Variants in NAE1 observed in about 807,000 individuals in gnomAD.
NAE1 encodes the protein NEDD8-activating enzyme E1 regulatory subunit.
In NAE1, 59 loss-of-function variants were observed where a neutral mutation model predicts 88.0. The ratio of observed to expected loss-of-function variants is 0.67; its 90% CI spans 0.54 to 0.83. The LOEUF is 0.83. NAE1 is among the 40% of genes least tolerant of loss of function. The pLI is 0.00. For missense variants in NAE1, 554 were observed against 632.8 expected (o/e 0.88, Z 1.34); for synonymous variants, 186 against 208.9 (o/e 0.89, Z 0.95).
At chr16:66,806,219 A>G in intron 17 of NAE1, 193 bp from the exon 18 acceptor site, 1 of 545,686 alleles carries the variant, frequency 1.8e-6, no homozygotes, top group Non-Finnish European at 2.9e-6. Flanking sequence ...CCTAGTAAAA[A>G]TTTGAATTTA....
chr16:66,830,805 A>G, intron 1 of NAE1, 42 bp downstream of exon 1: 2 of 1,504,224 alleles, frequency 1.3e-6, no homozygotes, highest in Non-Finnish European at 1.8e-6. Context: ...GAATGCTGGA[A>G]AGCCCGCCGG....
rs985958195 is a variant in NAE1 at position 66,830,861 on chromosome 16, G to C, written c.39C>G (p.Tyr13Ter). ...QLGKLLKEQK[Y>*]DRQLRLWGDH... is the part of the protein sequence containing the mutation. Reference sequence around the variant, plus strand: ...CCTCGGCTCACCTCAGCTGCCGGTCGTACTTCTGCTCCTTGAGCAGCTTTC... The same window carrying C: ...CCTCGGCTCACCTCAGCTGCCGGTCCTACTTCTGCTCCTTGAGCAGCTTTC... Residue 13 changes from tyrosine to a stop codon, truncating the protein, a stop_gained, in exon 1 of 20, where the codon TAC (tyrosine) becomes TAG (stop). Transcript: ENST00000290810. LOFTEE classifies it high-confidence loss of function. 5 of 1,529,882 alleles carry C rather than the reference G, an allele frequency of 3.3e-6. No homozygotes were observed. The Admixed American group carries it at 7.8e-5, about 24-fold the overall frequency. The allele number at this position is 1,529,882 out of a possible 1,614,324, so 94.8% of individuals were successfully genotyped here. A position where few individuals can be genotyped will look rare whatever the true frequency, so the allele number is the denominator to read the frequency against.
At position 66,830,837 on chromosome 16, in the gene NAE1, C is replaced by T. The variant is rs766996258; in HGVS notation, c.53+10G>A. 1.7e-5 allele frequency: 26 copies of T among 1,513,054 alleles called. No homozygotes were observed. The highest frequency in any genetic ancestry group is 2.2e-5 in the Non-Finnish European group (25 of 1,138,218). The allele number at this position is 1,513,054 out of a possible 1,614,324, so 93.7% of individuals were successfully genotyped here. A position where few individuals can be genotyped will look rare whatever the true frequency, so the allele number is the denominator to read the frequency against. On this transcript the variant is annotated intron_variant, in intron 1 of 19. Coordinates refer to ENST00000290810, the MANE Select transcript of NAE1 (RefSeq NM_003905.4). ...CCGGCCCGCCCTCGGCTCGGTGAGCCTCGGCTCACCTCAGCTGCCGGTCGT... is the reference window on the plus strand; with the variant it reads ...CCGGCCCGCCCTCGGCTCGGTGAGCTTCGGCTCACCTCAGCTGCCGGTCGT...
chr16:66,818,338 TA>T (rs912817977), intron 8 of NAE1, among the ~76,000 whole-genome samples, 189 bp downstream of exon 8: 3 of 152,188 alleles, frequency 2.0e-5, no homozygotes, highest in African/African-American at 7.2e-5. Context: ...TTTTCTTCAG[TA>T]AAAAAGTTTT....
intron 13 of NAE1, 158 bp downstream of exon 13, chr16:66,813,406 G>A (rs745978255): frequency 1.2e-6 from 1 of 866,028 alleles, no homozygotes; most frequent in Non-Finnish European, 1.7e-6. Context: ...CTCCCAAAGT[G>A]TTGGGATTAC....
chr16:66,810,857 T>G, intron 13 of NAE1, 85 bp from the exon 14 acceptor site: 1 of 1,243,510 alleles, frequency 8.0e-7, no homozygotes, highest in South Asian at 1.2e-5. Context: ...TTTTCTTTCC[T>G]TTTCATGAAA....
intron 14 of NAE1, 107 bp downstream of exon 14, chr16:66,810,590 C>T: frequency 8.7e-7 from 1 of 1,144,870 alleles, no homozygotes; most frequent in South Asian, 1.3e-5. Context: ...AATGACAGCT[C>T]CCTCTAAAGA....
intron 7 of NAE1, 25 bp downstream of exon 7, chr16:66,821,421 TAGTA>T (rs762020096): frequency 1.1e-5 from 16 of 1,509,574 alleles, no homozygotes; most frequent in Non-Finnish European, 1.4e-5. Context: ...AAGCAACCAA[TAGTA>T]AGCCCATATG....
At chr16:66,810,527 G>A (rs996409569) in intron 14 of NAE1, 114 bp from the exon 15 acceptor site, 7 of 1,136,312 alleles carry the variant, frequency 6.2e-6, no homozygotes, top group Non-Finnish European at 9.1e-6. Flanking sequence ...AGCTGGGAGA[G>A]CACTTTAAAA....
At chr16:66,818,734 G>A in intron 7 of NAE1, 97 bp from the exon 8 acceptor site, 1 of 1,411,562 alleles carries the variant, frequency 7.1e-7, no homozygotes, top group Non-Finnish European at 9.2e-7. Context: ...AAGTACAGTG[G>A]CACAATCACA....
intron 1 of NAE1, chr16:66,828,198 T>C: frequency 1.3e-6 from 1 of 746,654 alleles, no homozygotes; most frequent in South Asian, 1.8e-5. Context: ...TTAAGAATAC[T>C]GGTGCATCTT....
At chr16:66,821,194 G>A (rs1303166937) in intron 7 of NAE1, among the ~76,000 whole-genome samples, 1 of 152,198 alleles carries the variant, frequency 6.6e-6, no homozygotes, top group African/African-American at 2.4e-5. Context: ...AAGAAGCTGG[G>A]TACTTGCATA....
intron 1 of NAE1, among the ~76,000 whole-genome samples, chr16:66,829,831 A>C (rs2145361919): frequency 6.6e-6 from 1 of 152,382 alleles, no homozygotes; most frequent in East Asian, 1.9e-4. Context: ...ACAAGCAATG[A>C]GGCTAGTGTT....
chr16:66,808,778 G>T, intron 16 of NAE1, 165 bp from the exon 17 acceptor site: 1 of 631,660 alleles, frequency 1.6e-6, no homozygotes, highest in East Asian at 3.0e-5. Context: ...ATCACACAAT[G>T]GACTCAGTGA....
At chr16:66,828,669 T>C (rs1960568385) in intron 1 of NAE1, among the ~76,000 whole-genome samples, 2 of 148,826 alleles carry the variant, frequency 1.3e-5, no homozygotes, top group East Asian at 4.0e-4. Flanking sequence ...CTGGGTAACA[T>C]ACTGAGACCC....
intron 3 of NAE1, among the ~76,000 whole-genome samples, chr16:66,825,488 T>C (rs1372969897): frequency 3.3e-5 from 5 of 152,020 alleles, no homozygotes; most frequent in African/African-American, 1.2e-4. Context: ...ATATACTATA[T>C]TTCCCTCTTG....
intron 3 of NAE1, among the ~76,000 whole-genome samples, chr16:66,825,271 C>G (rs1358363771): frequency 6.6e-6 from 1 of 151,956 alleles, no homozygotes; most frequent in Non-Finnish European, 1.5e-5. Context: ...TACAGTGAAA[C>G]CCCGTCTCTA....
chr16:66,823,644 G>A (rs369187306), intron 4 of NAE1, 44 bp from the exon 5 acceptor site: 3 of 1,514,924 alleles, frequency 2.0e-6, no homozygotes, highest in Admixed American at 2.0e-5. Context: ...AAAAAACTTG[G>A]TCACAATATA....
rs745969337 is a variant in NAE1 at position 66,826,777 on chromosome 16, C to T, written c.57G>A (p.Leu19=). The T allele has an allele frequency of 2.8e-5, 44 of 1,597,426 alleles. No homozygotes were observed. Among genetic ancestry groups the T allele is most frequent in the Non-Finnish European group, 3.6e-5 (42 of 1,175,212 alleles). The stretch of plus-strand genomic sequence containing the variant: ...AAGCCTCTTGCCCATGATCACCCCA[C>T]AACCTACAAAACAGACACAAATTTG... ...KEQKYDRQLR[L]WGDHGQEALE... is the part of the protein sequence containing the mutation. The change falls in exon 2 of 20, where the codon TTG becomes TTA. Residue 19 remains leucine (L), a synonymous_variant. Coordinates refer to ENST00000290810, the MANE Select transcript of NAE1 (RefSeq NM_003905.4).
Sources: gnomAD v4.1 joint callset for allele counts (sites outside exome capture counted in the v4.1 genomes callset) on GRCh38, gnomAD v4.1.1 for gene constraint, MANE v1.5 for transcripts, NCBI Gene and HGNC (gene_info 2026-07-23, HGNC 2026-07-21) for gene names.